The following GPR108 variants were observed in gnomAD, a reference collection of about 807,000 sequenced individuals.
The protein encoded by GPR108 is G protein-coupled receptor 108, also known as protein GPR108.
GPR108 carries 60 observed loss-of-function variants against 74.3 expected under a neutral mutation model. The ratio of observed to expected loss-of-function variants is 0.81; its 90% confidence interval spans 0.66 to 1.00. GPR108 has a LOEUF of 1.00. Among genes scored for constraint, GPR108 ranks in the 50% least tolerant of loss-of-function variants. The pLI is 0.00. For missense variants in GPR108, 667 were observed against 703.3 expected, an observed-to-expected ratio of 0.95 and a Z score of 0.58; for synonymous variants, 311 against 292.4, an observed-to-expected ratio of 1.06 and a Z score of -0.65.
At chr19:6,730,528 T>A in intron 17 of GPR108, 144 bp from the exon 18 acceptor site, 3 of 648,518 alleles carry the variant, frequency 4.6e-6, no homozygotes, top group Non-Finnish European at 8.1e-6. Context: ...TCACCCAGGC[T>A]GCACCCACCT....
chr19:6,731,953 A>G lies in GPR108; in HGVS notation c.1257-19T>C. The G allele has an allele frequency of 1.2e-6, 2 of 1,613,296 alleles. No individual in the cohort carries two copies. The highest frequency in any genetic ancestry group is 1.7e-6 in the Non-Finnish European group (2 of 1,179,872). On this transcript the variant is annotated intron_variant, in intron 13 of 17. Transcript: ENST00000264080. ...GATGGACCTGGGACAAGTGGAGGAC[A>G]CAGGGTACGGTCAGCGCGGACATCG...
At chr19:6,731,319 A>G in intron 15 of GPR108, 37 bp from the exon 16 acceptor site, 1 of 1,526,110 alleles carries the variant, frequency 6.6e-7, no homozygotes, top group Non-Finnish European at 8.8e-7. Flanking sequence ...CCAGGACTGT[A>G]GGGGCACGGG....
At position 6,730,629 on chromosome 19, in the gene GPR108, C is replaced by G. The variant is rs1320279110; in HGVS notation, c.1560-245G>C. The G allele has an allele frequency of 1.8e-4, 93 of 528,378 alleles. 1 individual carries two copies. Among genetic ancestry groups the G allele is most frequent in the Non-Finnish European group, 3.4e-6 (1 of 293,606 alleles). 32.7% of individuals were successfully genotyped at this position (528,378 alleles called of 1,614,324 possible). A position where few individuals can be genotyped will look rare whatever the true frequency, so the allele number is the denominator to read the frequency against. On this transcript the variant is annotated intron_variant, in intron 17 of 17. Coordinates refer to ENST00000264080, the MANE Select transcript of GPR108 (RefSeq NM_001080452.2). ...CTGGCCCCACCCACTCTACCCGTAA[C>G]CACTCAGGCCCCGCCCACCTTACTG... is the stretch of plus-strand genomic sequence containing the variant.
chr19:6,733,030 G>A lies in GPR108; in HGVS notation c.890C>T (p.Ala297Val), dbSNP rs765169856. ...YSVFKIHWLM[A>V]ALAFTKSISL... Reference sequence around the variant, plus strand: ...GATGCTCTTGGTGAAGGCCAAGGCCGCCATGAGCCAGTGGATCTTGAAGAC... The same window carrying A: ...GATGCTCTTGGTGAAGGCCAAGGCCACCATGAGCCAGTGGATCTTGAAGAC... Residue 297 changes from alanine to valine, a missense_variant, in exon 10 of 18, where the codon GCG (alanine) becomes GTG (valine). Ala to Val is a moderately conservative substitution (Grantham distance 64). Transcript: ENST00000264080. The A allele has an allele frequency of 4.7e-5, 76 of 1,611,814 alleles. 2 individuals are homozygous for A. The South Asian group carries it at 6.8e-4, about 14-fold the overall frequency.
intron 10 of GPR108, 126 bp from the exon 11 acceptor site, chr19:6,732,675 A>C: frequency 1.3e-6 from 1 of 771,434 alleles, no homozygotes; most frequent in Non-Finnish European, 2.2e-6. Context: ...AATAATGAGG[A>C]CGGTGGGTGG....
At chr19:6,736,792 A>C (rs758840634) in intron 1 of GPR108, 81 bp from the exon 2 acceptor site, 1 of 1,593,994 alleles carries the variant, frequency 6.3e-7, no homozygotes, top group South Asian at 1.1e-5. Flanking sequence ...GAGGACCTCC[A>C]GAAGGGCCTC....
Position 6,733,275 on chromosome 19 carries a change from A to C in GPR108, c.750T>G (p.Asp250Glu). The change falls in exon 9 of 18, where the codon GAT (aspartate) becomes GAG (glutamate). Residue 250 changes from aspartate to glutamate, a missense_variant. Transcript: ENST00000264080. ...GCATCTCCGCTGCCGACAGGAAGCC[A>C]TCGGGGTTCTTCTCCCGGATCATCA... is the stretch of plus-strand genomic sequence containing the variant. ...ITVMIREKNP[D>E]GFLSAAEMPL... is the part of the protein sequence containing the mutation. The C allele has an allele frequency of 6.2e-7, 1 of 1,613,786 alleles. No homozygotes were observed.
chr19:6,730,263 T>G lies in GPR108; in HGVS notation c.*49A>C. 1.7e-4 allele frequency: 262 copies of G among 1,518,384 alleles called. No homozygotes were observed. Among genetic ancestry groups the G allele is most frequent in the Non-Finnish European group, 2.2e-4 (236 of 1,093,654 alleles). The allele number at this position is 1,518,384 out of a possible 1,614,324, so 94.1% of individuals were successfully genotyped here. A position where few individuals can be genotyped will look rare whatever the true frequency, so the allele number is the denominator to read the frequency against. ...ATACGCTGTGGAAGAAGGGCAGGAGTGAGAAATGCTGGGGGAGGACGACCC... is the reference window on the plus strand; with the variant it reads ...ATACGCTGTGGAAGAAGGGCAGGAGGGAGAAATGCTGGGGGAGGACGACCC... On this transcript the variant is annotated 3_prime_UTR_variant, in exon 18 of 18. Transcript: ENST00000264080.
Position 6,731,262 on chromosome 19 carries a change from G to C in GPR108, c.1371C>G (p.Phe457Leu). The change falls in exon 16 of 18, where the codon TTC becomes TTG. Residue 457 changes from phenylalanine to leucine, a missense_variant. Phe to Leu is a conservative substitution (Grantham distance 22). Transcript: ENST00000264080. ...GCAGCAGGATGGCGATGATGCGGGT[G>C]AAGTAGACGTAGCAGATGACCTGCA... is the stretch of plus-strand genomic sequence containing the variant. ...YYVMVICYVY[F>L]TRIIAILLQV... The C allele has an allele frequency of 6.4e-7, 1 of 1,555,102 alleles. No homozygotes were observed. The highest frequency in any genetic ancestry group is 8.7e-7 in the Non-Finnish European group (1 of 1,148,320).
At position 6,736,688 on chromosome 19, in the gene GPR108, C is replaced by T. The variant is rs146896466; in HGVS notation, c.144G>A (p.Gln48=). The change falls in exon 2 of 18, where the codon CAG becomes CAA. Residue 48 remains glutamine (Q), a synonymous_variant. Transcript: ENST00000264080. ...TGGTGTAGAAACCGAAGCTGTTCAG[C>T]TGGATGTCCGCTCGCTTCTCCCCCT... is the stretch of plus-strand genomic sequence containing the variant. ...ALTGEKRADI[Q]LNSFGFYTNG... 5.6e-6 allele frequency: 9 copies of T among 1,614,132 alleles called. No individual in the cohort carries two copies. In the African/African-American group the frequency reaches 1.2e-4, roughly 22 times the overall value.
Position 6,734,580 on chromosome 19 carries a change from C to T in GPR108, c.375-273G>A, listed in dbSNP as rs574368342. ...CTTTAGAGACAGGGTCTTGCTCTGT[C>T]GCCCAAGCTGGAGCGCTGTAGTGCA... On this transcript the variant is annotated intron_variant, in intron 4 of 17. Transcript: ENST00000264080. 1.2e-3 allele frequency among the ~76,000 whole-genome samples: 184 copies of T among 152,304 alleles called. 1 individual carries two copies. Among genetic ancestry groups the T allele is most frequent in the African/African-American group, 4.2e-3 (175 of 41,556 alleles).
In GPR108 at chr19:6,732,516, G is replaced by C. The variant is rs776837466; in HGVS notation, c.967C>G (p.Pro323Ala). 2 of 1,613,860 alleles carry C rather than the reference G, an allele frequency of 1.2e-6. No homozygotes were observed. The highest frequency in any genetic ancestry group is 1.7e-6 in the Non-Finnish European group (2 of 1,179,978). ...NYYFINSQGH[P>A]IEGLAVMYYI... ...TACATGACGGCAAGGCCTTCGATGG[G>C]GTGGCCCTGGCTGTTGATGAAGTAG... Residue 323 changes from proline to alanine, a missense_variant, in exon 11 of 18, where the codon CCC becomes GCC. By Grantham distance (27) the Pro-to-Ala change is conservative (BLOSUM62 -1). Coordinates refer to ENST00000264080, the MANE Select transcript of GPR108 (RefSeq NM_001080452.2).
chr19:6,730,959 C>T, intron 17 of GPR108, 28 bp downstream of exon 17: 7 of 1,610,916 alleles, frequency 4.3e-6, no homozygotes, highest in Non-Finnish European at 5.9e-6. Flanking sequence ...CCCAGAGCCG[C>T]CGGCCCTGCC....
intron 1 of GPR108, chr19:6,737,181 A>C (rs1299123474): frequency 4.1e-6 from 2 of 488,182 alleles, no homozygotes; most frequent in African/African-American, 4.1e-5. Flanking sequence ...TAAAGGACTA[A>C]GACCCAGTTG....
chr19:6,730,388 G>A lies in GPR108; in HGVS notation c.1560-4C>T, dbSNP rs758295822. 1.2e-6 allele frequency: 2 copies of A among 1,612,632 alleles called. No individual in the cohort carries two copies. The highest frequency in any genetic ancestry group is 1.7e-6 in the Non-Finnish European group (2 of 1,179,728). The stretch of plus-strand genomic sequence containing the variant: ...CCGGAACCCAGAGTCCGTCATTCTG[G>A]GGGCAGACAGCGAGGAGGCGTCTAG... On this transcript the variant is annotated splice_region_variant and splice_polypyrimidine_tract_variant and intron_variant, in intron 17 of 17. Transcript: ENST00000264080.
At chr19:6,737,305 G>T (rs1968681655) in intron 1 of GPR108, 152 bp downstream of exon 1, 1 of 1,009,660 alleles carries the variant, frequency 9.9e-7, no homozygotes, top group Admixed American at 3.5e-5. Flanking sequence ...GGGATCCCGG[G>T]ACGAGACCAC....
chr19:6,731,880 C>G lies in GPR108; in HGVS notation c.1300+11G>C, dbSNP rs369951101. 5 of 1,611,538 alleles carry G rather than the reference C, an allele frequency of 3.1e-6. No homozygotes were observed. Among genetic ancestry groups the G allele is most frequent in the Non-Finnish European group, 4.2e-6 (5 of 1,179,398 alleles). ...GCCATGAGCAGAGGGCCTGCAGGCG[C>G]AGGGCCTCACCCTTCCCGTCTGTGC... is the stretch of plus-strand genomic sequence containing the variant. On this transcript the variant is annotated intron_variant, in intron 14 of 17. Coordinates refer to ENST00000264080, the MANE Select transcript of GPR108 (RefSeq NM_001080452.2).
In GPR108 at chr19:6,736,621, G is replaced by T; in HGVS notation, c.211C>A (p.Leu71Ile). Residue 71 changes from leucine (L) to isoleucine (I), a missense_variant, in exon 2 of 18, where the codon CTC (leucine) becomes ATC (isoleucine). Coordinates refer to ENST00000264080, the MANE Select transcript of GPR108 (RefSeq NM_001080452.2). ...AGGGACTTCTCTTCTGCCTCCCGGA[G>T]GCCCAGCCGCAGGACGCTCAACTCC... ...EVELSVLRLG[L>I]REAEEKSLLV... The T allele has an allele frequency of 6.2e-7, 1 of 1,614,092 alleles. No individual in the cohort carries two copies. The highest frequency in any genetic ancestry group is 8.5e-7 in the Non-Finnish European group (1 of 1,180,016).
At position 6,733,595 on chromosome 19, in the gene GPR108, C is replaced by T; in HGVS notation, c.698G>A (p.Gly233Glu). The T allele has an allele frequency of 1.2e-6, 2 of 1,614,228 alleles. No individual in the cohort carries two copies. The highest frequency in any genetic ancestry group is 1.7e-6 in the Non-Finnish European group (2 of 1,180,014). ...NFHNCNNSVPGKEHPFDITVM... is the reference protein window; with the variant it reads ...NFHNCNNSVPEKEHPFDITVM... ...CGTGATGTCGAATGGATGCTCCTTT[C>T]CTGGCACTGAATTGTTGCAGTTGTG... Residue 233 changes from glycine to glutamate, a missense_variant, in exon 8 of 18, where the codon GGA becomes GAA. Physicochemically the swap from Gly to Glu is moderately conservative, Grantham distance 98 (BLOSUM62 -2). Transcript: ENST00000264080.
Sources: allele counts gnomAD v4.1 joint callset (sites outside exome capture counted in the v4.1 genomes callset), GRCh38; gene constraint gnomAD v4.1.1; transcripts MANE v1.5; gene names NCBI Gene and HGNC (gene_info 2026-07-23, HGNC 2026-07-21).